ASPM: variants seen among roughly 807,000 people sequenced by gnomAD.
The protein encoded by ASPM is abnormal spindle-like microcephaly-associated protein.
In ASPM, 256 loss-of-function variants were observed where a neutral mutation model predicts 366.4. The observed-to-expected ratio is 0.70, with a 90% confidence interval of 0.63 to 0.77. The LOEUF (loss-of-function observed/expected upper bound fraction) is 0.77, where lower values mean the gene tolerates loss of function less well. Ranked by LOEUF, ASPM falls within the 30% of genes least tolerant of loss-of-function variation. ASPM has a pLI of 0.00. For synonymous variants in ASPM, 1,414 were observed against 1,342.9 expected (o/e 1.05, Z -1.16); for missense variants, 4,146 against 4,090.4 (o/e 1.01, Z -0.37).
In ASPM at chr1:197,100,927, A is replaced by C; in HGVS notation, c.8324T>G (p.Leu2775Arg). 2 of 1,612,794 alleles carry C rather than the reference A, an allele frequency of 1.2e-6. No homozygotes were observed. Among genetic ancestry groups the C allele is most frequent in the Non-Finnish European group, 1.7e-6 (2 of 1,179,202 alleles). Residue 2775 changes from leucine (L) to arginine (R), a missense_variant, in exon 18 of 28, where the codon CTC becomes CGC. This residue lies in a region of ASPM where 3,624 missense variants were observed against 3,591.7 expected (regional missense o/e 1.01). Coordinates refer to ENST00000367409, the MANE Select transcript of ASPM (RefSeq NM_018136.5). ...KMAAIVNQSALCCYRSKTQYE... is the reference protein window; with the variant it reads ...KMAAIVNQSARCCYRSKTQYE... ...CTGAGTTTTACTTCTGTAACAGCAGAGTGCAGATTGGTTAACAATGGCTGC... is the reference window on the plus strand; with the variant it reads ...CTGAGTTTTACTTCTGTAACAGCAGCGTGCAGATTGGTTAACAATGGCTGC...
intron 16 of ASPM, 108 bp from the exon 17 acceptor site, chr1:197,118,091 TA>T: frequency 6.7e-6 from 7 of 1,040,690 alleles, no homozygotes; most frequent in Non-Finnish European, 1.0e-5. Context: ...ATACTGGAAA[TA>T]AAACACCCCT....
rs768333929 is a variant in ASPM at position 197,129,210 on chromosome 1, A to G, written c.2737T>C (p.Phe913Leu). The change falls in exon 9 of 28, where the codon TTC becomes CTC. Residue 913 changes from phenylalanine (F) to leucine (L), a missense_variant. Phe to Leu is a conservative substitution (Grantham distance 22). Transcript: ENST00000367409. ...ACCTTGAATTCGGCATCTTTACAGA[A>G]GAGACAAGGATCATGATCAATGAGT... is the stretch of plus-strand genomic sequence containing the variant. ...SRLIDHDPCL[F>L]CKDAEFKASK... 6.2e-7 allele frequency: 1 copy of G among 1,612,608 alleles called. No homozygotes were observed. The highest frequency in any genetic ancestry group is 8.5e-7 in the Non-Finnish European group (1 of 1,178,836).
At chr1:197,088,537 A>T in intron 25 of ASPM, 105 bp from the exon 26 acceptor site, 1 of 1,019,610 alleles carries the variant, frequency 9.8e-7, no homozygotes, top group Non-Finnish European at 1.4e-6. Context: ...GTATAGCCAA[A>T]TTTTTGGACC....
rs201511426 is a variant in ASPM at position 197,142,928 on chromosome 1, G to C, written c.1324C>G (p.Gln442Glu). The stretch of plus-strand genomic sequence containing the variant: ...ATAGCTTTGGGAGATTTTGAACCCT[G>C]ACATTCAGGAATACGTGGCGAAACT... Reference protein sequence around the residue: ...SEVSPRIPECQGSKSPKAIFE... With the variant: ...SEVSPRIPECEGSKSPKAIFE... Residue 442 changes from glutamine to glutamate, a missense_variant, in exon 3 of 28, where the codon CAG (glutamine) becomes GAG (glutamate). By Grantham distance (29) the Gln-to-Glu change is conservative. Transcript: ENST00000367409. 2.7e-5 allele frequency: 43 copies of C among 1,613,910 alleles called. No homozygotes were observed. The East Asian group carries it at 9.1e-4, about 34-fold the overall frequency.
At chr1:197,118,952 T>G (rs543493078) in intron 16 of ASPM, among the ~76,000 whole-genome samples, 1 of 152,286 alleles carries the variant, frequency 6.6e-6, no homozygotes, top group East Asian at 1.9e-4. Flanking sequence ...CTTTTTGTGT[T>G]GCTGTCTGGG....
At chr1:197,088,551 T>A (rs1193184646) in intron 25 of ASPM, 119 bp from the exon 26 acceptor site, 1 of 769,094 alleles carries the variant, frequency 1.3e-6, no homozygotes, top group East Asian at 2.5e-5. Flanking sequence ...TTGGACCACC[T>A]GCAGCAAGTG....
intron 17 of ASPM, among the ~76,000 whole-genome samples, chr1:197,112,683 C>G (rs912774317): frequency 2.0e-5 from 3 of 152,122 alleles, no homozygotes; most frequent in Non-Finnish European, 4.4e-5. Context: ...CCTATCTGAC[C>G]TGGAAGCCCC....
In ASPM at chr1:197,122,143, CTCT is replaced by C; in HGVS notation, c.3741+13_3741+15del. Reference sequence around the variant, plus strand: ...TTATTATTGAATTAATAATTAGAAACTCTTCTTTTACTTACCTTTTCATCTGGA... The same window carrying C: ...TTATTATTGAATTAATAATTAGAAACTCTTTTACTTACCTTTTCATCTGGA... On this transcript the variant is annotated intron_variant, in intron 15 of 27. Coordinates refer to ENST00000367409, the MANE Select transcript of ASPM (RefSeq NM_018136.5). 1 of 1,600,516 alleles carries C rather than the reference CTCT, an allele frequency of 6.2e-7. No homozygotes were observed. Among genetic ancestry groups the C allele is most frequent in the East Asian group, 2.2e-5 (1 of 44,738 alleles).
chr1:197,143,829 T>C lies in ASPM; in HGVS notation c.442-19A>G. On this transcript the variant is annotated intron_variant, in intron 2 of 27. Coordinates refer to ENST00000367409, the MANE Select transcript of ASPM (RefSeq NM_018136.5). ...GACTCCTCTGCAAAAATAAGGAAAATATACCAATTAAGTTTGTAGCTATTG... is the reference window on the plus strand; with the variant it reads ...GACTCCTCTGCAAAAATAAGGAAAACATACCAATTAAGTTTGTAGCTATTG... 1 of 1,606,226 alleles carries C rather than the reference T, an allele frequency of 6.2e-7. No homozygotes were observed. Among genetic ancestry groups the C allele is most frequent in the East Asian group, 2.2e-5 (1 of 44,822 alleles).
chr1:197,114,895 T>G (rs1384765624), intron 17 of ASPM, among the ~76,000 whole-genome samples: 3 of 152,064 alleles, frequency 2.0e-5, no homozygotes, highest in African/African-American at 7.2e-5. Context: ...ATTACAGGCA[T>G]GCACCCCCAT....
In ASPM at chr1:197,100,923, G is replaced by C. The variant is rs1364431159; in HGVS notation, c.8328C>G (p.Cys2776Trp). The change falls in exon 18 of 28, where the codon TGC (cysteine) becomes TGG (tryptophan). Residue 2776 changes from cysteine (C) to tryptophan (W), a missense_variant. Transcript: ENST00000367409. ...MAAIVNQSALCCYRSKTQYEA... is the reference protein window; with the variant it reads ...MAAIVNQSALWCYRSKTQYEA... ...CATACTGAGTTTTACTTCTGTAACA[G>C]CAGAGTGCAGATTGGTTAACAATGG... 3 of 1,612,718 alleles carry C rather than the reference G, an allele frequency of 1.9e-6. No individual in the cohort carries two copies. Among genetic ancestry groups the C allele is most frequent in the Non-Finnish European group, 2.5e-6 (3 of 1,179,170 alleles).
intron 6 of ASPM, 129 bp downstream of exon 6, chr1:197,133,221 A>G: frequency 2.2e-6 from 2 of 910,054 alleles, no homozygotes; most frequent in Non-Finnish European, 3.2e-6. Context: ...TATCAACATC[A>G]TGTTGTATAC....
rs752029542 is a variant in ASPM, at chr1:197,128,642, A to G, written c.2784T>C (p.Ala928=). 1.9e-6 allele frequency: 3 copies of G among 1,613,388 alleles called. No homozygotes were observed. Among genetic ancestry groups the G allele is most frequent in the Non-Finnish European group, 2.5e-6 (3 of 1,179,416 alleles). The change falls in exon 10 of 28, where the codon GCT becomes GCC. Residue 928 remains alanine, a synonymous_variant. Coordinates refer to ENST00000367409, the MANE Select transcript of ASPM (RefSeq NM_018136.5). ...CACCACTTAGGAAATCTCGTGAAAA[A>G]GCCAAAAGGATTTCTTTACTAGCCT... ...EFKASKEILL[A]FSRDFLSGEG... is the part of the protein sequence containing the mutation.
intron 12 of ASPM, among the ~76,000 whole-genome samples, chr1:197,124,667 G>A (rs560180163): frequency 1.1e-4 from 16 of 151,728 alleles, no homozygotes; most frequent in Non-Finnish European, 7.4e-5. Context: ...TACTTTGCAG[G>A]TGTGGTGAAG....
chr1:197,133,044 C>A (rs116303796), intron 6 of ASPM, among the ~76,000 whole-genome samples: 16 of 151,922 alleles, frequency 1.1e-4, no homozygotes, highest in African/African-American at 3.9e-4. Flanking sequence ...TTCTGGAGAT[C>A]GAATGTACAC....
Position 197,091,228 on chromosome 1 carries a change from CTG to C in ASPM, c.9445-189_9445-188del, listed in dbSNP as rs35277950. 0.78 allele frequency among the ~76,000 whole-genome samples: 118,061 copies of C among 150,770 alleles called. 49,348 individuals carry two copies. The highest frequency in any genetic ancestry group is 1 in the East Asian group (5,075 of 5,080). On this transcript the variant is annotated intron_variant, in intron 22 of 27. Coordinates refer to ENST00000367409, the MANE Select transcript of ASPM (RefSeq NM_018136.5). ...AACCTTTCCAGTCCATGTTGGGTGC[CTG>C]TGTGTGTGTGTGTGTGCACACACAT...
chr1:197,133,656 T>A, intron 5 of ASPM, 61 bp from the exon 6 acceptor site: 1 of 1,572,112 alleles, frequency 6.4e-7, no homozygotes, highest in East Asian at 2.2e-5. Flanking sequence ...TATTCTTAAA[T>A]CCAGCAATAA....
intron 16 of ASPM, 132 bp from the exon 17 acceptor site, chr1:197,118,115 T>C: frequency 1.2e-6 from 1 of 862,460 alleles, no homozygotes; most frequent in Non-Finnish European, 1.8e-6. Flanking sequence ...ACTTCTTGTG[T>C]TCATCTTTGG....
At position 197,103,739 on chromosome 1, in the gene ASPM, A is replaced by T; in HGVS notation, c.5512T>A (p.Tyr1838Asn). The T allele has an allele frequency of 6.2e-7, 1 of 1,612,752 alleles. No homozygotes were observed. Among genetic ancestry groups the T allele is most frequent in the South Asian group, 1.1e-5 (1 of 91,064 alleles). The change falls in exon 18 of 28, where the codon TAT becomes AAT. Residue 1838 changes from tyrosine (Y) to asparagine (N), a missense_variant. Physicochemically the swap from Tyr to Asn is moderately radical, Grantham distance 143. Coordinates refer to ENST00000367409, the MANE Select transcript of ASPM (RefSeq NM_018136.5). ...ALKIQSAFRGYNKRVKYQSVL... is the reference protein window; with the variant it reads ...ALKIQSAFRGNNKRVKYQSVL... ...GATTGATATTTTACCCTTTTATTAT[A>T]GCCTCTAAAAGCAGACTGAATTTTA...
Sources: gnomAD v4.1 joint callset for allele counts (sites outside exome capture counted in the v4.1 genomes callset) on GRCh38, gnomAD v4.1.1 for gene constraint, gnomAD v4.1.1 regional missense constraint, MANE v1.5 for transcripts, NCBI Gene and HGNC (gene_info 2026-07-23, HGNC 2026-07-21) for gene names.